SMC6: variants seen among roughly 807,000 people sequenced by gnomAD.
SMC6 encodes structural maintenance of chromosomes 6, also known as structural maintenance of chromosomes protein 6.
A neutral mutation model predicts 142.2 loss-of-function variants in SMC6; 79 were observed. The observed-to-expected ratio is 0.56, with a 90% CI of 0.46 to 0.67. SMC6 has a LOEUF of 0.67. SMC6 is among the 30% of genes least tolerant of loss of function. The pLI, the probability that SMC6 is intolerant of heterozygous loss-of-function variation, is 0.00. For missense variants in SMC6, 1,072 were observed against 1,284.0 expected, an observed-to-expected ratio of 0.83 and a Z score of 2.52; for synonymous variants, 411 against 412.4, an observed-to-expected ratio of 1.00 and a Z score of 0.04.
intron 16 of SMC6, chr2:17,713,506 C>T (rs977028379): frequency 2.1e-6 from 1 of 471,048 alleles, no homozygotes; most frequent in African/African-American, 2.0e-5. Context: ...CAGTGCCAGG[C>T]ACTCTTCTTC....
At chr2:17,675,673 T>A (rs1666964914) in intron 25 of SMC6, among the ~76,000 whole-genome samples, 1 of 152,120 alleles carries the variant, frequency 6.6e-6, no homozygotes, top group East Asian at 1.9e-4. Context: ...TTAAAGTCTG[T>A]CAGGTAACAT....
intron 9 of SMC6, among the ~76,000 whole-genome samples, chr2:17,722,794 C>T (rs1159244340): frequency 6.6e-6 from 1 of 152,082 alleles, no homozygotes; most frequent in Non-Finnish European, 1.5e-5. Context: ...GGCCTGGGCC[C>T]ACTTTTCCCC....
intron 8 of SMC6, among the ~76,000 whole-genome samples, chr2:17,726,087 TAAAAAAA>T (rs35471536): frequency 9.1e-5 from 5 of 54,966 alleles, no homozygotes; most frequent in African/African-American, 3.6e-4. Context: ...GGCTCTGTCT[TAAAAAAA>T]AAAAAAAAAA....
At chr2:17,702,566 T>C (rs2124942039) in intron 19 of SMC6, among the ~76,000 whole-genome samples, 1 of 152,316 alleles carries the variant, frequency 6.6e-6, no homozygotes, top group South Asian at 2.1e-4. Context: ...AGTTTATTAC[T>C]ATTTTTAAAT....
In SMC6 at chr2:17,716,804, T is replaced by A; in HGVS notation, c.1283A>T (p.Asn428Ile). The A allele has an allele frequency of 1.2e-6, 2 of 1,613,730 alleles. No individual in the cohort carries two copies. Among genetic ancestry groups the A allele is most frequent in the African/African-American group, 1.3e-5 (1 of 75,022 alleles). The change falls in exon 14 of 28, where the codon AAT becomes ATT. Residue 428 changes from asparagine (N) to isoleucine (I), a missense_variant. Physicochemically the swap from Asn to Ile is moderately radical, Grantham distance 149 (BLOSUM62 -3). Transcript: ENST00000448223. The part of the protein sequence containing the change: ...KAFQNQENSV[N>I]QEIEQFQQAI... ...TTGCTGAAACTGTTCGATCTCTTGA[T>A]TGACTGAATTTTCTTGATTTTGAAA...
intron 23 of SMC6, among the ~76,000 whole-genome samples, chr2:17,692,492 T>C (rs558838203): frequency 6.6e-6 from 1 of 152,324 alleles, no homozygotes; most frequent in East Asian, 1.9e-4. Flanking sequence ...CTGGGAAAAC[T>C]GGCTAGCCAT....
In SMC6 at chr2:17,665,406, C is replaced by T. The variant is rs1666448051; in HGVS notation, c.*93G>A. 2 of 616,858 alleles carry T rather than the reference C, an allele frequency of 3.2e-6. No homozygotes were observed. Among genetic ancestry groups the T allele is most frequent in the East Asian group, 3.1e-5 (1 of 31,754 alleles). The allele number at this position is 616,858 out of a possible 1,614,324, so 38.2% of individuals were successfully genotyped here. The stretch of plus-strand genomic sequence containing the variant: ...AAGGAGTTTCTTTCATTTCAGAATG[C>T]CTCCAGTCTCATTTTATTATATCAA... On this transcript the variant is annotated 3_prime_UTR_variant, in exon 28 of 28. Transcript: ENST00000448223.
At chr2:17,689,751 T>C (rs1024869756) in intron 23 of SMC6, among the ~76,000 whole-genome samples, 1 of 152,248 alleles carries the variant, frequency 6.6e-6, no homozygotes, top group African/African-American at 2.4e-5. Flanking sequence ...TCTTCCTGTA[T>C]ACTTTAAATC....
At chr2:17,733,872 G>T (rs1165578142) in intron 5 of SMC6, among the ~76,000 whole-genome samples, 2 of 152,186 alleles carry the variant, frequency 1.3e-5, no homozygotes, top group African/African-American at 4.8e-5. Context: ...TACACCTACA[G>T]ACTAGGACAG....
At position 17,666,405 on chromosome 2, in the gene SMC6, G is replaced by A; in HGVS notation, c.3161+15C>T. On this transcript the variant is annotated intron_variant, in intron 27 of 27. Coordinates refer to ENST00000448223, the MANE Select transcript of SMC6 (RefSeq NM_001142286.2). ...TATATACTTGATATGTATCTAGAAA[G>A]TTTTAAAAAGTTACCTCATGCTTTG... The A allele has an allele frequency of 6.3e-7, 1 of 1,594,320 alleles. No individual in the cohort carries two copies. Among genetic ancestry groups the A allele is most frequent in the Non-Finnish European group, 8.6e-7 (1 of 1,164,296 alleles).
chr2:17,668,919 T>C (rs1666628269), intron 26 of SMC6, among the ~76,000 whole-genome samples: 1 of 152,102 alleles, frequency 6.6e-6, no homozygotes, highest in South Asian at 2.1e-4. Flanking sequence ...ATGACCACCA[T>C]CAGATCAACT....
At chr2:17,715,976 T>A (rs1032834825) in intron 15 of SMC6, 110 bp downstream of exon 15, 85 of 932,608 alleles carry the variant, frequency 9.1e-5, no homozygotes, top group South Asian at 4.1e-4. Context: ...TTTATATAAT[T>A]TCATTATTTT....
chr2:17,693,533 C>T (rs554362711), intron 23 of SMC6, among the ~76,000 whole-genome samples: 5 of 151,832 alleles, frequency 3.3e-5, no homozygotes, highest in East Asian at 1.9e-4. Flanking sequence ...CATCACACAC[C>T]GGGGCCGGCT....
chr2:17,753,370 C>CGCCTGGGAGGGGA (rs1206691755), intron 1 of SMC6, among the ~76,000 whole-genome samples: 25 of 151,464 alleles, frequency 1.7e-4, no homozygotes, highest in African/African-American at 1.9e-4. Context: ...AGGGGACGGC[C>CGCCTGGGAGGGGA]CGGAGCAGAC....
chr2:17,746,310 TCA>T (rs1385657933), intron 2 of SMC6: 2 of 159,416 alleles, frequency 1.3e-5, no homozygotes, highest in African/African-American at 4.8e-5. Flanking sequence ...TGATTTTACT[TCA>T]GAGGTATTCA....
intron 26 of SMC6, among the ~76,000 whole-genome samples, chr2:17,669,711 A>T (rs944710161): frequency 1.4e-4 from 22 of 152,222 alleles, no homozygotes; most frequent in African/African-American, 5.3e-4. Flanking sequence ...GAGTAGTGTC[A>T]TCTACATCCA....
Position 17,708,697 on chromosome 2 carries a change from G to A in SMC6, c.1787C>T (p.Ala596Val), listed in dbSNP as rs748956536. 2.0e-5 allele frequency: 31 copies of A among 1,559,114 alleles called. No homozygotes were observed. The South Asian group carries it at 2.8e-4, about 14-fold the overall frequency. The change falls in exon 17 of 28, where the codon GCG (alanine) becomes GTG (valine). Residue 596 changes from alanine to valine, a missense_variant. By Grantham distance (64) the Ala-to-Val change is moderately conservative. Transcript: ENST00000448223. ...TVLTALEIDN[A>V]VVANSLIDMR... ...GTCAATTAGGCTATTTGCCACAACC[G>A]CATTATCTATTTCTAAAGCTGTCAG...
intron 5 of SMC6, 96 bp downstream of exon 5, chr2:17,738,125 A>C: frequency 2.4e-6 from 2 of 831,064 alleles, no homozygotes; most frequent in Non-Finnish European, 3.8e-6. Flanking sequence ...CTGGGAAGGC[A>C]CTTCATTTCC....
chr2:17,694,445 T>C (rs554595293), intron 23 of SMC6, among the ~76,000 whole-genome samples: 1 of 152,326 alleles, frequency 6.6e-6, no homozygotes, highest in Non-Finnish European at 1.5e-5. Context: ...TGTACCCCAC[T>C]GGAGTATGTA....
Sources: allele counts gnomAD v4.1 joint callset (sites outside exome capture counted in the v4.1 genomes callset), GRCh38; gene constraint gnomAD v4.1.1; transcripts MANE v1.5; gene names NCBI Gene and HGNC (gene_info 2026-07-23, HGNC 2026-07-21).